The following RNF150 variants were observed in gnomAD, a reference collection of about 807,000 sequenced individuals.
RNF150 encodes the protein ring finger protein 150.
A neutral mutation model predicts 39.3 loss-of-function variants in RNF150; 24 were observed. The observed-to-expected ratio is 0.61, with a 90% CI of 0.44 to 0.86. The LOEUF is 0.86. RNF150 is among the 40% of genes least tolerant of loss of function. RNF150 has a pLI of 0.00. For synonymous variants in RNF150, 255 were observed against 227.3 expected, an observed-to-expected ratio of 1.12 and a Z score of -1.10; for missense variants, 502 against 587.8, an observed-to-expected ratio of 0.85 and a Z score of 1.51.
intron 1 of RNF150, among the ~76,000 whole-genome samples, chr4:141,176,199 C>T (rs371402780): frequency 5.3e-5 from 8 of 151,936 alleles, no homozygotes; most frequent in African/African-American, 1.9e-4. Flanking sequence ...CACCCAGGCT[C>T]TTGTGATTCT....
rs12643247 is a variant in RNF150 at position 140,907,693 on chromosome 4, C to T, written c.1198+3451G>A. 0.031 allele frequency among the ~76,000 whole-genome samples: 4,673 copies of T among 152,220 alleles called. 401 individuals carry two copies. The East Asian group carries it at 0.35, about 11-fold the overall frequency. On this transcript the variant is annotated intron_variant, in intron 6 of 6. Transcript: ENST00000515673. ...AGTAGGCAACTGTGTTAATTTTTCC[C>T]CCTGTTCTGTCTCTGAGCATAGCAT...
intron 5 of RNF150, among the ~76,000 whole-genome samples, chr4:140,923,171 G>A (rs533896446): frequency 2.6e-5 from 4 of 152,214 alleles, no homozygotes; most frequent in African/African-American, 9.6e-5. Flanking sequence ...ACCACCATCA[G>A]GGTGAACAGG....
chr4:141,177,054 G>GAAAAAAAAA (rs5862514), intron 1 of RNF150, among the ~76,000 whole-genome samples: 1 of 111,700 alleles, frequency 9.0e-6, no homozygotes, highest in Non-Finnish European at 1.8e-5. Context: ...TGTCTCCTAG[G>GAAAAAAAAA]AAAAAAAAAA....
chr4:141,122,406 G>A (rs568478492), intron 1 of RNF150, among the ~76,000 whole-genome samples: 25 of 152,334 alleles, frequency 1.6e-4, no homozygotes, highest in African/African-American at 5.1e-4. Flanking sequence ...CAGCAGCACC[G>A]CCAATATCCA....
chr4:141,047,111 C>G (rs1039232658), intron 1 of RNF150, among the ~76,000 whole-genome samples: 5 of 152,058 alleles, frequency 3.3e-5, no homozygotes, highest in African/African-American at 1.2e-4. Flanking sequence ...CCAATCAGGA[C>G]TAATGCACAT....
chr4:140,940,368 C>CCTT (rs2111355363), intron 4 of RNF150, among the ~76,000 whole-genome samples: 1 of 141,926 alleles, frequency 7.0e-6, no homozygotes, highest in East Asian at 2.0e-4. Context: ...CTTATCACAG[C>CCTT]CTTATTTATA....
intron 1 of RNF150, among the ~76,000 whole-genome samples, chr4:141,060,301 C>T (rs1047215816): frequency 6.6e-6 from 1 of 151,922 alleles, no homozygotes; most frequent in Admixed American, 6.6e-5. Flanking sequence ...ATTAGCCAGG[C>T]GTAGTAGCAT....
chr4:141,206,599 C>T (rs1033589697), intron 1 of RNF150, among the ~76,000 whole-genome samples: 1 of 151,616 alleles, frequency 6.6e-6, no homozygotes, highest in Non-Finnish European at 1.5e-5. Context: ...GTCAGAATGC[C>T]CCCCCAGTTG....
intron 2 of RNF150, among the ~76,000 whole-genome samples, chr4:140,953,304 T>C (rs1423718854): frequency 1.3e-5 from 2 of 152,212 alleles, no homozygotes; most frequent in African/African-American, 4.8e-5. Context: ...CCATTCCCTT[T>C]CCTGTGACAT....
intron 3 of RNF150, 43 bp from the exon 4 acceptor site, chr4:140,947,779 A>G: frequency 7.3e-7 from 1 of 1,364,982 alleles, no homozygotes; most frequent in East Asian, 2.5e-5. Flanking sequence ...TCTTAGCTTC[A>G]TCTCTTGTGT....
chr4:141,156,671 A>G (rs1163411743), intron 1 of RNF150, among the ~76,000 whole-genome samples: 1 of 149,272 alleles, frequency 6.7e-6, no homozygotes, highest in African/African-American at 2.5e-5. Context: ...AGGTGGGCAG[A>G]TCGCCTGAGA....
chr4:140,881,389 T>C (rs1223490743), intron 6 of RNF150, among the ~76,000 whole-genome samples: 1 of 152,074 alleles, frequency 6.6e-6, no homozygotes, highest in Non-Finnish European at 1.5e-5. Flanking sequence ...GTCTCAAACT[T>C]GTGAGCTCAA....
intron 2 of RNF150, 69 bp from the exon 3 acceptor site, chr4:140,949,441 T>G: frequency 7.7e-7 from 1 of 1,303,428 alleles, no homozygotes; most frequent in Non-Finnish European, 1.1e-6. Flanking sequence ...TGATATCATT[T>G]AATACACCAG....
At position 141,132,823 on chromosome 4, in the gene RNF150, GC is replaced by G; in HGVS notation, c.-16del. On this transcript the variant is annotated 5_prime_UTR_variant, in exon 1 of 7. Coordinates refer to ENST00000515673, the MANE Select transcript of RNF150 (RefSeq NM_020724.2). The surrounding 1 kb of genome is among the most constrained non-coding windows in gnomAD (Gnocchi z 4.9). ...GACATTGCCATCTTTATCCGCCGGG[GC>G]CCCCTCCCCGCCCCCGCGCCCTCCC... 3.7e-6 allele frequency: 6 copies of G among 1,604,686 alleles called. No homozygotes were observed. Among genetic ancestry groups the G allele is most frequent in the Non-Finnish European group, 3.4e-6 (4 of 1,174,726 alleles).
At chr4:141,162,076 C>T (rs565197921) in intron 1 of RNF150, among the ~76,000 whole-genome samples, 2 of 152,234 alleles carry the variant, frequency 1.3e-5, no homozygotes, top group South Asian at 4.1e-4. Flanking sequence ...ATGGTAGAGC[C>T]CTTGACAGTT....
At chr4:141,002,072 C>T (rs1259300259) in intron 1 of RNF150, among the ~76,000 whole-genome samples, 1 of 151,964 alleles carries the variant, frequency 6.6e-6, no homozygotes, top group Non-Finnish European at 1.5e-5. Context: ...CCACATATCA[C>T]CTGAAATCAT....
Position 141,171,334 on chromosome 4 carries a change from G to T in RNF150, c.-6+41460C>A, listed in dbSNP as rs1360875495. On this transcript the variant is annotated intron_variant, in intron 1 of 7. Coordinates refer to the RNF150 transcript ENST00000420921. Reference sequence around the variant, plus strand: ...TTGGGAGAGATTATCCTTCTTTACGGTGGTCTATGTGAGTATCGGACCCAA... The same window carrying T: ...TTGGGAGAGATTATCCTTCTTTACGTTGGTCTATGTGAGTATCGGACCCAA... Among the ~76,000 whole-genome samples the T allele has an allele frequency of 3.9e-5, 6 of 152,234 alleles. No individual in the cohort carries two copies. The East Asian group carries it at 1.2e-3, about 29-fold the overall frequency.
At chr4:141,096,900 G>A (rs571390865) in intron 1 of RNF150, among the ~76,000 whole-genome samples, 1 of 152,210 alleles carries the variant, frequency 6.6e-6, no homozygotes, top group East Asian at 1.9e-4. Flanking sequence ...TCCCTAAATG[G>A]GCTTCAAAAT....
In RNF150 at chr4:140,861,835, G is replaced by A. The variant is rs140053115; in HGVS notation, c.*6426C>T. The A allele has an allele frequency of 6.6e-6, 1 of 152,190 alleles. No homozygotes were observed. Among genetic ancestry groups the A allele is most frequent in the South Asian group, 2.1e-4 (1 of 4,836 alleles). 9.4% of individuals were successfully genotyped at this position (152,190 alleles called of 1,614,324 possible). ...TTTGTTGGAAAGTTTTGAAGGAAAA[G>A]GGGACTAAACACTAGACTTTAAAGA... is the stretch of plus-strand genomic sequence containing the variant. On this transcript the variant is annotated 3_prime_UTR_variant, in exon 7 of 7. Coordinates refer to ENST00000515673, the MANE Select transcript of RNF150 (RefSeq NM_020724.2).
Sources: allele counts gnomAD v4.1 joint callset (sites outside exome capture counted in the v4.1 genomes callset), GRCh38; gene constraint gnomAD v4.1.1; non-coding constraint Gnocchi (gnomAD v3.1); transcripts MANE v1.5; gene names NCBI Gene and HGNC (gene_info 2026-07-23, HGNC 2026-07-21).